The following CTDSP1 variants were observed in gnomAD, a reference collection of about 807,000 sequenced individuals.
CTDSP1 encodes carboxy-terminal domain RNA polymerase II polypeptide A small phosphatase 1.
A neutral mutation model predicts 32.5 loss-of-function variants in CTDSP1; 15 were observed. That is an observed-to-expected ratio of 0.46 (90% CI 0.31 to 0.71). The LOEUF (loss-of-function observed/expected upper bound fraction) is 0.71, where lower values mean the gene tolerates loss of function less well. CTDSP1 is among the 30% of genes least tolerant of loss of function. The probability of loss-of-function intolerance (pLI) is 0.05; values close to 1 mark genes in which losing one functional copy is unlikely to be tolerated. For missense variants in CTDSP1, 294 were observed against 351.1 expected, an observed-to-expected ratio of 0.84 and a Z score of 1.30; for synonymous variants, 185 against 145.4, an observed-to-expected ratio of 1.27 and a Z score of -1.96.
rs1317207310 is a variant in CTDSP1, at chr2:218,402,158, A to G, written c.264A>G (p.Ser88=). ...TCCCTGAGGCCAAGGCCCAGGACTC[A>G]GACAAGATCTGCGTGGTCATCGACC... ...YLLPEAKAQD[S]DKICVVIDLD... Residue 88 remains serine (S), a synonymous_variant, in exon 3 of 7, where the codon TCA becomes TCG. Coordinates refer to ENST00000273062, the MANE Select transcript of CTDSP1 (RefSeq NM_021198.3). 10 of 1,613,704 alleles carry G rather than the reference A, an allele frequency of 6.2e-6. No homozygotes were observed. The highest frequency in any genetic ancestry group is 8.5e-6 in the Non-Finnish European group (10 of 1,179,950).
intron 4 of CTDSP1, 67 bp from the exon 5 acceptor site, chr2:218,402,968 T>G: frequency 8.1e-7 from 1 of 1,228,208 alleles, no homozygotes; most frequent in Non-Finnish European, 1.2e-6. Context: ...GCCCATGCCC[T>G]GCCAGCCCTC....
At chr2:218,402,874 AC>A (rs1316925948) in intron 4 of CTDSP1, 160 bp from the exon 5 acceptor site, 4 of 664,078 alleles carry the variant, frequency 6.0e-6, no homozygotes, top group Non-Finnish European at 1.1e-5. Flanking sequence ...GGGGGTGGGT[AC>A]AGTTTCCCCA....
In CTDSP1 at chr2:218,399,980, T is replaced by C; in HGVS notation, c.-111T>C. On this transcript the variant is annotated 5_prime_UTR_variant, in exon 1 of 7. Coordinates refer to ENST00000273062, the MANE Select transcript of CTDSP1 (RefSeq NM_021198.3). ...CCCTCCCCTCCGGAGCTCGCGGGGA[T>C]CCCTCCCTCCCACCCCTCCCCTCCC... is the stretch of plus-strand genomic sequence containing the variant. 1.1e-6 allele frequency: 1 copy of C among 946,508 alleles called. No individual in the cohort carries two copies. The highest frequency in any genetic ancestry group is 1.3e-6 in the Non-Finnish European group (1 of 770,562). The allele number at this position is 946,508 out of a possible 1,614,324, so 58.6% of individuals were successfully genotyped here.
intron 2 of CTDSP1, 80 bp from the exon 3 acceptor site, chr2:218,402,031 C>G (rs1045932041): frequency 1.0e-6 from 1 of 984,744 alleles, no homozygotes; most frequent in Middle Eastern, 2.6e-4. Flanking sequence ...CCTCTGGAGA[C>G]GGCTAGGGGG....
At chr2:218,398,384 G>C, upstream of CTDSP1, 1 of 1,534,748 alleles carries the variant, frequency 6.5e-7, no homozygotes, top group Non-Finnish European at 8.7e-7. Context: ...AACGCCAGCA[G>C]CGTGTGGCGA....
chr2:218,398,145 G>A, upstream of CTDSP1: 1 of 513,992 alleles, frequency 1.9e-6, no homozygotes, highest in South Asian at 2.2e-5. Flanking sequence ...GGGTCATGAG[G>A]GCCCCGCATC....
chr2:218,398,605 C>T, upstream of CTDSP1: 1 of 569,324 alleles, frequency 1.8e-6, no homozygotes, highest in South Asian at 2.8e-5. Context: ...CCTCCCCTCC[C>T]CGGCTCCCCC....
At chr2:218,400,593 G>A (rs1234832999) in intron 1 of CTDSP1, 1 of 382,540 alleles carries the variant, frequency 2.6e-6, no homozygotes, top group Non-Finnish European at 5.2e-6. Flanking sequence ...GGGAGGGGGC[G>A]CCGAGGTGAC....
chr2:218,403,446 CAG>C (rs1263720729), intron 6 of CTDSP1, 29 bp downstream of exon 6: 2 of 1,547,808 alleles, frequency 1.3e-6, no homozygotes, highest in African/African-American at 1.4e-5. Context: ...GGGACTGGGA[CAG>C]GAGCTGAGAC....
upstream of CTDSP1, chr2:218,398,435 C>T (rs546283100): frequency 8.7e-4 from 1,328 of 1,534,770 alleles, 9 homozygotes; most frequent in African/African-American, 0.016. Flanking sequence ...CCGTGGGCTA[C>T]CCAGGAGCAG....
At chr2:218,399,857 G>C (rs934455853), upstream of CTDSP1, 8 of 1,238,590 alleles carry the variant, frequency 6.5e-6, no homozygotes, top group African/African-American at 1.3e-4. Flanking sequence ...CGGCGCCTGG[G>C]TTCCATGTTT....
At chr2:218,400,609 G>T (rs1697076242) in intron 1 of CTDSP1, 1 of 394,272 alleles carries the variant, frequency 2.5e-6, no homozygotes, top group South Asian at 1.8e-5. Flanking sequence ...GTGACAGCAG[G>T]CTGGGGAGGC....
intron 4 of CTDSP1, chr2:218,402,816 T>C: frequency 1.5e-6 from 1 of 688,718 alleles, no homozygotes; most frequent in Non-Finnish European, 2.7e-6. Flanking sequence ...AGGGACCTCG[T>C]GAGGTAGGAC....
chr2:218,400,252 G>A, intron 1 of CTDSP1, 95 bp downstream of exon 1: 3 of 1,204,904 alleles, frequency 2.5e-6, no homozygotes, highest in South Asian at 1.4e-5. Flanking sequence ...CCGCCGCCCC[G>A]GGCGGCCGCC....
chr2:218,401,449 G>C (rs1697133825), intron 1 of CTDSP1, 115 bp from the exon 2 acceptor site: 1 of 1,241,146 alleles, frequency 8.1e-7, no homozygotes, highest in Non-Finnish European at 1.1e-6. Context: ...TCGTGTGTCT[G>C]GATGAAGGGG....
intron 3 of CTDSP1, 36 bp downstream of exon 3, chr2:218,402,251 G>C (rs370091958): frequency 1.6e-5 from 26 of 1,610,370 alleles, no homozygotes; most frequent in Non-Finnish European, 2.2e-5. Context: ...CCCGGGTCTC[G>C]GGGGGCATCC....
chr2:218,404,483 G>A lies in CTDSP1; in HGVS notation c.*58G>A. On this transcript the variant is annotated 3_prime_UTR_variant, in exon 7 of 7. Transcript: ENST00000273062. ...CAATGATACCCACACCTCCTCCCAG[G>A]AAGACTGCCCAGGCCTTTGTTAGGA... 5.0e-6 allele frequency: 8 copies of A among 1,599,492 alleles called. No individual in the cohort carries two copies. Among genetic ancestry groups the A allele is most frequent in the Non-Finnish European group, 1.7e-6 (2 of 1,171,086 alleles).
upstream of CTDSP1, chr2:218,398,443 C>G (rs1418289032): frequency 6.5e-7 from 1 of 1,534,196 alleles, no homozygotes; most frequent in Non-Finnish European, 8.7e-7. Context: ...TACCCAGGAG[C>G]AGGAGGAGGG....
At chr2:218,399,803 A>C (rs1395645436), upstream of CTDSP1, 7 of 1,123,696 alleles carry the variant, frequency 6.2e-6, no homozygotes, top group East Asian at 4.6e-5. Context: ...AGCCGAGTCC[A>C]GGTCACGCCG....
Sources: gnomAD v4.1 joint callset for allele counts on GRCh38, gnomAD v4.1.1 for gene constraint, MANE v1.5 for transcripts, NCBI Gene and HGNC (gene_info 2026-07-23, HGNC 2026-07-21) for gene names.